The following TMCC2 variants were observed in gnomAD, a reference collection of about 807,000 sequenced individuals.
TMCC2 encodes transmembrane and coiled-coil domain family 2.
In TMCC2, 16 loss-of-function variants were observed where a neutral mutation model predicts 49.4. That is an observed-to-expected ratio of 0.32 (90% CI 0.22 to 0.49). The LOEUF (loss-of-function observed/expected upper bound fraction) is 0.49. TMCC2 is among the 20% of genes least tolerant of loss of function. The pLI is 0.99. For synonymous variants in TMCC2, 397 were observed against 434.1 expected (o/e 0.91, Z 1.06); for missense variants, 762 against 989.8 (o/e 0.77, Z 3.09).
intron 1 of TMCC2, among the ~76,000 whole-genome samples, chr1:205,240,177 A>G (rs2102540749): frequency 6.6e-6 from 1 of 152,318 alleles, no homozygotes; most frequent in South Asian, 2.1e-4. Context: ...CCCTCCTTCC[A>G]ACAGCTCCAA....
At chr1:205,262,928 G>A (rs192359062) in intron 2 of TMCC2, among the ~76,000 whole-genome samples, 14 of 152,264 alleles carry the variant, frequency 9.2e-5, no homozygotes, top group South Asian at 4.1e-4. Flanking sequence ...TGGTGAGTCC[G>A]TAGTAAAAGT....
intron 2 of TMCC2, chr1:205,267,863 A>G: frequency 2.0e-6 from 2 of 985,126 alleles, no homozygotes; most frequent in Non-Finnish European, 2.4e-6. Context: ...CTGGGCGGCT[A>G]GTAGCCTCAG....
At position 205,269,042 on chromosome 1, in the gene TMCC2, G is replaced by C. The variant is rs746392182; in HGVS notation, c.840G>C (p.Pro280=). ...GCCTGGACGTGCCCGATGGGGCACC[G>C]GACCCCCAGCGGACCAAGGCCGCCA... The part of the protein sequence containing the change: ...PISLDVPDGA[P]DPQRTKAAID... Residue 280 remains proline (P), a synonymous_variant, in exon 3 of 5, where the codon CCG becomes CCC. Coordinates refer to ENST00000358024, the MANE Select transcript of TMCC2 (RefSeq NM_014858.4). The C allele has an allele frequency of 6.2e-7, 1 of 1,613,402 alleles. No individual in the cohort carries two copies. The highest frequency in any genetic ancestry group is 1.7e-5 in the Admixed American group (1 of 59,998).
intron 2 of TMCC2, chr1:205,257,335 C>T (rs761937646): frequency 1.1e-5 from 13 of 1,232,084 alleles, no homozygotes; most frequent in South Asian, 8.2e-5. Flanking sequence ...ACCTCATCGC[C>T]GGCACGGCTT....
Position 205,257,364 on chromosome 1 carries a change from C to T in TMCC2, c.748-11586C>T, listed in dbSNP as rs1158897351. On this transcript the variant is annotated intron_variant, in intron 2 of 4. Coordinates refer to ENST00000358024, the MANE Select transcript of TMCC2 (RefSeq NM_014858.4). ...ACGGCTTCGGGAAACAGTGCCCACA[C>T]AGGTGAGGCGTCTGGTGGGTGGAAG... 5.7e-6 allele frequency: 7 copies of T among 1,232,154 alleles called. No individual in the cohort carries two copies. In the Admixed American group the frequency reaches 2.1e-4, roughly 37 times the overall value. 76.3% of individuals were successfully genotyped at this position (1,232,154 alleles called of 1,614,324 possible).
chr1:205,268,334 C>T (rs1043763171), intron 2 of TMCC2, among the ~76,000 whole-genome samples: 18 of 152,280 alleles, frequency 1.2e-4, no homozygotes, highest in Middle Eastern at 3.4e-3. Context: ...TGGGCTGGGG[C>T]CAGGCGTAGT....
rs992695886 is a variant in TMCC2, at chr1:205,269,213, G to A, written c.1011G>A (p.Glu337=). ...TGTCACGCATCAAGCAAGTGTTCGA[G>A]AAGAAGAACCAGAAGTCAGCCCAGA... The part of the protein sequence containing the change: ...QQVSRIKQVF[E]KKNQKSAQTI... The change falls in exon 3 of 5, where the codon GAG becomes GAA. Residue 337 remains glutamate, a synonymous_variant. Coordinates refer to ENST00000358024, the MANE Select transcript of TMCC2 (RefSeq NM_014858.4). The A allele has an allele frequency of 6.2e-7, 1 of 1,614,114 alleles. No homozygotes were observed.
chr1:205,242,123 G>C, intron 2 of TMCC2, 79 bp downstream of exon 2: 1 of 1,447,040 alleles, frequency 6.9e-7, no homozygotes, highest in Non-Finnish European at 9.2e-7. Flanking sequence ...CTGGGGAGCT[G>C]AGCCAGGGGC....
rs770197106 is a variant in TMCC2 at position 205,269,495 on chromosome 1, C to T, written c.1293C>T (p.Leu431=). 1.2e-5 allele frequency: 19 copies of T among 1,608,978 alleles called. No homozygotes were observed. Among genetic ancestry groups the T allele is most frequent in the Admixed American group, 3.3e-5 (2 of 59,910 alleles). ...CCAAGCCCCGGGAGTTTGCCAGCCT[C>T]ATCCGCAACAAGTTTGGCAGTGCTG... ...VVSKPREFAS[L]IRNKFGSADN... The change falls in exon 3 of 5, where the codon CTC becomes CTT. Residue 431 remains leucine (L), a synonymous_variant. Transcript: ENST00000358024.
chr1:205,249,964 A>G (rs575034644), intron 2 of TMCC2, among the ~76,000 whole-genome samples: 1 of 152,324 alleles, frequency 6.6e-6, no homozygotes, highest in African/African-American at 2.4e-5. Flanking sequence ...GTCCCAGCAC[A>G]GCTGTATATC....
intron 1 of TMCC2, chr1:205,229,562 T>C: frequency 4.4e-6 from 2 of 453,648 alleles, no homozygotes; most frequent in Non-Finnish European, 4.8e-6. Flanking sequence ...GGGGGGGTGG[T>C]GGCGGGGGCG....
chr1:205,261,165 A>G (rs903001856), intron 2 of TMCC2, among the ~76,000 whole-genome samples: 2 of 147,918 alleles, frequency 1.4e-5, no homozygotes, highest in Non-Finnish European at 3.0e-5. Context: ...AAAGCTTCCA[A>G]TTCCTGCACA....
chr1:205,252,062 C>A (rs539791430), intron 2 of TMCC2, among the ~76,000 whole-genome samples: 2 of 152,334 alleles, frequency 1.3e-5, no homozygotes, highest in African/African-American at 4.8e-5. Context: ...CCCAGTAAAA[C>A]CTCCTCCAGG....
chr1:205,256,144 A>C, intron 2 of TMCC2: 1 of 1,327,006 alleles, frequency 7.5e-7, no homozygotes, highest in Non-Finnish European at 1.0e-6. Flanking sequence ...GGACTACCCA[A>C]TCAACGTGAC....
At chr1:205,229,032 A>G in intron 1 of TMCC2, 1 of 1,336,284 alleles carries the variant, frequency 7.5e-7, no homozygotes, top group South Asian at 1.9e-5. Flanking sequence ...GATTGTTTGA[A>G]TAATGTGTGA....
At chr1:205,259,392 G>A (rs2102588987) in intron 2 of TMCC2, among the ~76,000 whole-genome samples, 1 of 152,312 alleles carries the variant, frequency 6.6e-6, no homozygotes, top group Non-Finnish European at 1.5e-5. Flanking sequence ...TGGGAGCACA[G>A]GTGTGGAGCA....
Position 205,241,525 on chromosome 1 carries a change from G to C in TMCC2, c.228G>C (p.Glu76Asp). 1 of 1,613,708 alleles carries C rather than the reference G, an allele frequency of 6.2e-7. No individual in the cohort carries two copies. The highest frequency in any genetic ancestry group is 8.5e-7 in the Non-Finnish European group (1 of 1,179,980). The change falls in exon 2 of 5, where the codon GAG (glutamate) becomes GAC (aspartate). Residue 76 changes from glutamate (E) to aspartate (D), a missense_variant. Around this residue, in one of 2 missense-constraint regions of TMCC2, gnomAD observed 322 missense variants for 353.1 expected, o/e 0.91. Transcript: ENST00000358024. The surrounding 1 kb of genome is among the most constrained non-coding windows in gnomAD (Gnocchi z 7.3). ...TTAAGAAAATCCAGCAGCTGTCAGA[G>C]GGCTCCATGTTTGGCCACGGTCTGA... ...PDLKKIQQLS[E>D]GSMFGHGLKH...
At chr1:205,244,971 A>G (rs900304999) in intron 2 of TMCC2, among the ~76,000 whole-genome samples, 2 of 152,206 alleles carry the variant, frequency 1.3e-5, no homozygotes, top group Non-Finnish European at 2.9e-5. Flanking sequence ...CTCATAGAGC[A>G]TGACAGACAA....
rs186528514 is a variant in TMCC2, at chr1:205,271,268, C to A, written c.1818+13C>A. On this transcript the variant is annotated intron_variant, in intron 4 of 4. Transcript: ENST00000358024. ...ACGGGACATCCAGGTATGGCCAGGG[C>A]AACCTTGGGAGGCCCCAGATGTGCT... 1.2e-6 allele frequency: 2 copies of A among 1,614,006 alleles called. No individual in the cohort carries two copies. The highest frequency in any genetic ancestry group is 1.7e-5 in the Admixed American group (1 of 60,026).
Sources: allele counts gnomAD v4.1 joint callset (sites outside exome capture counted in the v4.1 genomes callset), GRCh38; gene constraint gnomAD v4.1.1; regional missense constraint gnomAD v4.1.1; non-coding constraint Gnocchi (gnomAD v3.1); transcripts MANE v1.5; gene names NCBI Gene and HGNC (gene_info 2026-07-23, HGNC 2026-07-21).